Variants in KCNMA1 observed in about 807,000 individuals in gnomAD.
KCNMA1 encodes the protein potassium calcium-activated channel subfamily M alpha 1, also known as Calcium-activated potassium channel subunit alpha-1.
A neutral mutation model predicts 140.0 loss-of-function variants in KCNMA1; 29 were observed. The ratio of observed to expected loss-of-function variants is 0.21; its 90% confidence interval spans 0.15 to 0.28. The LOEUF is 0.28. KCNMA1 is among the 10% of genes least tolerant of loss of function. The pLI is 1.00. For missense variants in KCNMA1, 880 were observed against 1,602.2 expected, an observed-to-expected ratio of 0.55 and a Z score of 7.70; for synonymous variants, 612 against 611.9, an observed-to-expected ratio of 1.00 and a Z score of 0.00.
chr10:77,409,517 C>T (rs539666337), intron 1 of KCNMA1, among the ~76,000 whole-genome samples: 1 of 152,284 alleles, frequency 6.6e-6, no homozygotes, highest in East Asian at 1.9e-4. Flanking sequence ...ACTCTGCTGC[C>T]CCAGCCTGGA....
chr10:77,049,200 T>C (rs931756151), intron 14 of KCNMA1, among the ~76,000 whole-genome samples: 1 of 152,216 alleles, frequency 6.6e-6, no homozygotes, highest in Non-Finnish European at 1.5e-5. Context: ...ATCACAAATA[T>C]GTCTCTCTAT....
intron 1 of KCNMA1, among the ~76,000 whole-genome samples, chr10:77,463,658 G>T (rs2097920768): frequency 6.6e-6 from 1 of 152,194 alleles, no homozygotes; most frequent in Non-Finnish European, 1.5e-5. Flanking sequence ...GGGACTGTGA[G>T]CCCAGAGCAG....
chr10:77,252,822 C>T lies in KCNMA1; in HGVS notation c.541-1566G>A, dbSNP rs533456120. Among the ~76,000 whole-genome samples, 29 of 152,090 alleles carry T rather than the reference C, an allele frequency of 1.9e-4. No homozygotes were observed. The South Asian group carries it at 5.8e-3, about 31-fold the overall frequency. On this transcript the variant is annotated intron_variant, in intron 2 of 27. Coordinates refer to ENST00000286628, the MANE Select transcript of KCNMA1 (RefSeq NM_001161352.2). ...AGTTTCATAGCAACTGATAAAATCT[C>T]CATATAAAGGGAGGTGCTAAAACAA... is the stretch of plus-strand genomic sequence containing the variant.
intron 12 of KCNMA1, among the ~76,000 whole-genome samples, chr10:77,084,162 G>A (rs753354436): frequency 4.6e-5 from 7 of 152,050 alleles, no homozygotes; most frequent in Admixed American, 2.6e-4. Flanking sequence ...TGCATTGCAG[G>A]GTCGTTCGCA....
chr10:77,550,575 G>A (rs1002793869), intron 1 of KCNMA1, among the ~76,000 whole-genome samples: 8 of 152,158 alleles, frequency 5.3e-5, no homozygotes, highest in South Asian at 2.1e-4. Flanking sequence ...GAGCTGGAAC[G>A]GGCCCTGAAA....
intron 3 of KCNMA1, among the ~76,000 whole-genome samples, chr10:77,186,377 A>G (rs551899562): frequency 7.1e-6 from 1 of 141,488 alleles, no homozygotes. Context: ...AAAACAAAAA[A>G]CAAAAAAAAA....
At chr10:77,447,391 C>A (rs1306633482) in intron 1 of KCNMA1, among the ~76,000 whole-genome samples, 1 of 152,244 alleles carries the variant, frequency 6.6e-6, no homozygotes, top group Non-Finnish European at 1.5e-5. Context: ...CCATCTCCCA[C>A]CAGAAATTCA....
chr10:77,599,865 C>T (rs372799869), intron 1 of KCNMA1, among the ~76,000 whole-genome samples: 1 of 152,154 alleles, frequency 6.6e-6, no homozygotes, highest in East Asian at 1.9e-4. Flanking sequence ...CCCTGATGGT[C>T]CGTCCTCCTG....
chr10:76,909,741 A>G (rs1159928727), intron 25 of KCNMA1, among the ~76,000 whole-genome samples: 2 of 152,076 alleles, frequency 1.3e-5, no homozygotes, highest in East Asian at 1.9e-4. Context: ...CCTCACCTAT[A>G]TTTCCTTCTA....
chr10:77,034,998 TC>T (rs2094218346), intron 15 of KCNMA1, among the ~76,000 whole-genome samples: 1 of 151,908 alleles, frequency 6.6e-6, no homozygotes, highest in South Asian at 2.1e-4. Context: ...GTCCAGCCCC[TC>T]CCCTCCCCTC....
intron 1 of KCNMA1, among the ~76,000 whole-genome samples, chr10:77,579,141 T>C (rs2075116664): frequency 6.6e-6 from 1 of 152,186 alleles, no homozygotes; most frequent in South Asian, 2.1e-4. Context: ...GAGTCAGTGA[T>C]GTCTAGCCAA....
intron 3 of KCNMA1, among the ~76,000 whole-genome samples, chr10:77,236,410 G>C (rs532419395): frequency 1.3e-5 from 2 of 152,310 alleles, no homozygotes; most frequent in Non-Finnish European, 2.9e-5. Flanking sequence ...CTTGGGGAAC[G>C]TGCCAAACCT....
intron 2 of KCNMA1, among the ~76,000 whole-genome samples, chr10:77,387,579 T>C (rs571507153): frequency 4.0e-5 from 6 of 150,426 alleles, no homozygotes; most frequent in African/African-American, 1.2e-4. Context: ...TTCTTTTTTT[T>C]CTTTTCTCTT....
At chr10:77,265,219 G>A (rs1565591847) in intron 2 of KCNMA1, among the ~76,000 whole-genome samples, 1 of 151,900 alleles carries the variant, frequency 6.6e-6, no homozygotes. Context: ...GCCCAGCTAA[G>A]TTTTGTATTT....
intron 5 of KCNMA1, chr10:77,150,185 C>G (rs909441319): frequency 2.6e-5 from 4 of 152,206 alleles, no homozygotes; most frequent in African/African-American, 9.7e-5. Flanking sequence ...GTTGCTTATG[C>G]TGTTGTTCTT....
intron 1 of KCNMA1, among the ~76,000 whole-genome samples, chr10:77,500,854 A>G (rs2043601617): frequency 6.6e-6 from 1 of 152,216 alleles, no homozygotes; most frequent in Admixed American, 6.5e-5. Flanking sequence ...AGAAAGCTCA[A>G]CCCTCTGGTT....
At chr10:77,426,895 T>C (rs764482455) in intron 1 of KCNMA1, among the ~76,000 whole-genome samples, 4 of 152,182 alleles carry the variant, frequency 2.6e-5, no homozygotes, top group Non-Finnish European at 4.4e-5. Context: ...AAGAAATACA[T>C]TTTACATCGT....
chr10:76,970,041 A>T lies in KCNMA1; in HGVS notation c.2293T>A (p.Ser765Thr), dbSNP rs139793877. The change falls in exon 20 of 28, where the codon TCA (serine) becomes ACA (threonine). Residue 765 changes from serine (S) to threonine (T), a missense_variant. Transcript: ENST00000286628. The part of the protein sequence containing the change: ...AFEDEQPSTL[S>T]PKKKQRNGGM... The stretch of plus-strand genomic sequence containing the variant: ...CCATTCCGTTGCTTTTTTTTTGGTG[A>T]TAGTGTTGACGGCTGCTCATCTTCA... The T allele has an allele frequency of 1.9e-6, 3 of 1,613,664 alleles. No individual in the cohort carries two copies. Among genetic ancestry groups the T allele is most frequent in the Non-Finnish European group, 2.5e-6 (3 of 1,179,780 alleles).
At chr10:77,559,205 A>G (rs1000309235) in intron 1 of KCNMA1, among the ~76,000 whole-genome samples, 4 of 152,216 alleles carry the variant, frequency 2.6e-5, no homozygotes, top group African/African-American at 9.6e-5. Context: ...TGAGAAGCAC[A>G]CACTGGTGCA....
Sources: gnomAD v4.1 joint callset for allele counts (sites outside exome capture counted in the v4.1 genomes callset) on GRCh38, gnomAD v4.1.1 for gene constraint, MANE v1.5 for transcripts, NCBI Gene and HGNC (gene_info 2026-07-23, HGNC 2026-07-21) for gene names.